Variants in C1QL3 observed in about 807,000 individuals in gnomAD.
C1QL3 encodes complement C1q like 3.
A neutral mutation model predicts 16.6 loss-of-function variants in C1QL3; 4 were observed. The ratio of observed to expected loss-of-function variants is 0.24; its 90% confidence interval spans 0.12 to 0.55. The LOEUF (loss-of-function observed/expected upper bound fraction) is 0.55, where lower values mean the gene tolerates loss of function less well. Among genes scored for constraint, C1QL3 ranks in the 20% least tolerant of loss-of-function variants. C1QL3 has a pLI of 0.94. For missense variants in C1QL3, 269 were observed against 365.6 expected (o/e 0.74, Z 2.16); for synonymous variants, 189 against 160.2 (o/e 1.18, Z -1.36).
At position 16,521,652 on chromosome 10, in the gene C1QL3, G is replaced by GCCA. The variant is rs1204853184; in HGVS notation, c.-590_-588dup. The GCCA allele has an allele frequency of 1.3e-5, 2 of 150,902 alleles. No homozygotes were observed. The highest frequency in any genetic ancestry group is 2.9e-5 in the Non-Finnish European group (2 of 67,842). The allele number at this position is 150,902 out of a possible 1,614,324, so 9.3% of individuals were successfully genotyped here. A position where few individuals can be genotyped will look rare whatever the true frequency, so the allele number is the denominator to read the frequency against. On this transcript the variant is annotated 5_prime_UTR_variant, in exon 1 of 2. Transcript: ENST00000298943. The stretch of plus-strand genomic sequence containing the variant: ...TGCCTCCTTTCTCTCTTCCTCCTTT[G>GCCA]CCACCACCACAACTCGAATAGACGC...
At chr10:16,518,218 C>A (rs1453311313) in intron 1 of C1QL3, among the ~76,000 whole-genome samples, 2 of 152,164 alleles carry the variant, frequency 1.3e-5, no homozygotes, top group African/African-American at 4.8e-5. Context: ...TTTGTAACTG[C>A]CTGCAGACTG....
In C1QL3 at chr10:16,514,164, C is replaced by T. The variant is rs1402269928; in HGVS notation, c.*364G>A. The T allele has an allele frequency of 2.5e-6, 1 of 398,798 alleles. No homozygotes were observed. The highest frequency in any genetic ancestry group is 4.4e-6 in the Non-Finnish European group (1 of 226,406). 24.7% of individuals were successfully genotyped at this position (398,798 alleles called of 1,614,324 possible). A position where few individuals can be genotyped will look rare whatever the true frequency, so the allele number is the denominator to read the frequency against. On this transcript the variant is annotated 3_prime_UTR_variant, in exon 2 of 2. Transcript: ENST00000298943. ...GTAAACTCACAAGAACCAAAGCTGA[C>T]ATATGGATAAAAGCAGCAAGATCAC...
Position 16,514,283 on chromosome 10 carries a change from G to C in C1QL3, c.*245C>G. 1 of 553,784 alleles carries C rather than the reference G, an allele frequency of 1.8e-6. No homozygotes were observed. The highest frequency in any genetic ancestry group is 3.2e-6 in the Non-Finnish European group (1 of 314,850). The allele number at this position is 553,784 out of a possible 1,614,324, so 34.3% of individuals were successfully genotyped here. ...GATCTATATAGGACTTCATTCACAT[G>C]GACACTAACGATAAGGAGTATTTGC... is the stretch of plus-strand genomic sequence containing the variant. On this transcript the variant is annotated 3_prime_UTR_variant, in exon 2 of 2. Coordinates refer to ENST00000298943, the MANE Select transcript of C1QL3 (RefSeq NM_001010908.2).
In C1QL3 at chr10:16,517,517, T is replaced by G. The variant is rs1175618426; in HGVS notation, c.589-2810A>C. On this transcript the variant is annotated intron_variant, in intron 1 of 1. Coordinates refer to ENST00000298943, the MANE Select transcript of C1QL3 (RefSeq NM_001010908.2). Reference sequence around the variant, plus strand: ...GATTGTATTCAAATAGCAATTTTTCTTCATGTTTTCTGCTAAAAGGATTAT... The same window carrying G: ...GATTGTATTCAAATAGCAATTTTTCGTCATGTTTTCTGCTAAAAGGATTAT... 4.6e-5 allele frequency among the ~76,000 whole-genome samples: 7 copies of G among 152,350 alleles called. No homozygotes were observed. In the East Asian group the frequency reaches 1.3e-3, roughly 29 times the overall value.
At position 16,520,031 on chromosome 10, in the gene C1QL3, A is replaced by G. The variant is rs1268000080; in HGVS notation, c.588+447T>C. ...TTGTTTCTCCCTCCGGCCTTTGTCT[A>G]CCACCCCCGAGTCGGTCACCCTGCC... On this transcript the variant is annotated intron_variant, in intron 1 of 1. Transcript: ENST00000298943. The surrounding 1 kb of genome is among the most constrained non-coding windows in gnomAD (Gnocchi z 8.3). Among the ~76,000 whole-genome samples the G allele has an allele frequency of 6.6e-6, 1 of 150,998 alleles. No individual in the cohort carries two copies. Among genetic ancestry groups the G allele is most frequent in the East Asian group, 2.0e-4 (1 of 5,094 alleles).
chr10:16,515,020 T>G (rs960987605), intron 1 of C1QL3, among the ~76,000 whole-genome samples: 1 of 152,108 alleles, frequency 6.6e-6, no homozygotes, highest in Non-Finnish European at 1.5e-5. Context: ...ACTCCTTCGA[T>G]CCCTATGCCC....
In C1QL3 at chr10:16,520,441, T is replaced by TCCCGCCC; in HGVS notation, c.588+36_588+37insGGGCGGG. 1 of 1,227,532 alleles carries TCCCGCCC rather than the reference T, an allele frequency of 8.1e-7. No homozygotes were observed. The highest frequency in any genetic ancestry group is 1.1e-6 in the Non-Finnish European group (1 of 881,044). The allele number at this position is 1,227,532 out of a possible 1,614,324, so 76.0% of individuals were successfully genotyped here. A position where few individuals can be genotyped will look rare whatever the true frequency, so the allele number is the denominator to read the frequency against. On this transcript the variant is annotated intron_variant, in intron 1 of 1. Transcript: ENST00000298943. This position sits in a 1 kb window ranked among gnomAD's most constrained non-coding sequence, Gnocchi z 8.3. ...CCCTCTCGCCCGCACCTTCCCGCGC[T>TCCCGCCC]CCCTCCCCGCCCTCCCCGCCGCCCG...
At position 16,513,767 on chromosome 10, in the gene C1QL3, A is replaced by G. The variant is rs1035870130; in HGVS notation, c.*761T>C. On this transcript the variant is annotated 3_prime_UTR_variant, in exon 2 of 2. Coordinates refer to ENST00000298943, the MANE Select transcript of C1QL3 (RefSeq NM_001010908.2). ...TGAATCTAAATGTATTCAGTTGACA[A>G]AATGGACACATAAGGGCTTTTTCTA... 1 of 152,622 alleles carries G rather than the reference A, an allele frequency of 6.6e-6. No individual in the cohort carries two copies. Among genetic ancestry groups the G allele is most frequent in the African/African-American group, 2.4e-5 (1 of 41,454 alleles). 9.5% of individuals were successfully genotyped at this position (152,622 alleles called of 1,614,324 possible).
chr10:16,520,215 G>A lies in C1QL3; in HGVS notation c.588+263C>T, dbSNP rs1456680047. On this transcript the variant is annotated intron_variant, in intron 1 of 1. Transcript: ENST00000298943. The surrounding 1 kb of genome is among the most constrained non-coding windows in gnomAD (Gnocchi z 8.3). Reference sequence around the variant, plus strand: ...CCCAGCTCCCGGCTTCCCGCCCCTCGAGGGTCGCGCTCGCAGGGGCGCGCA... The same window carrying A: ...CCCAGCTCCCGGCTTCCCGCCCCTCAAGGGTCGCGCTCGCAGGGGCGCGCA... Among the ~76,000 whole-genome samples, 1 of 152,008 alleles carries A rather than the reference G, an allele frequency of 6.6e-6. No individual in the cohort carries two copies. Among genetic ancestry groups the A allele is most frequent in the Non-Finnish European group, 1.5e-5 (1 of 67,972 alleles).
In C1QL3 at chr10:16,521,799, G is replaced by T. The variant is rs1294597302; in HGVS notation, c.-734C>A. On this transcript the variant is annotated 5_prime_UTR_variant, in exon 1 of 2. Transcript: ENST00000298943. ...CGGAGGAGCGAGCGAGCAGCGGCGA[G>T]CGCCTCACGGCCGGGAGCGGAGCGA... The T allele has an allele frequency of 1.3e-5, 2 of 152,798 alleles. No individual in the cohort carries two copies. Among genetic ancestry groups the T allele is most frequent in the African/African-American group, 4.8e-5 (2 of 41,436 alleles). 9.5% of individuals were successfully genotyped at this position (152,798 alleles called of 1,614,324 possible).
Position 16,520,442 on chromosome 10 carries a change from C to CCCG in C1QL3, c.588+35_588+36insCGG. Reference sequence around the variant, plus strand: ...CCTCTCGCCCGCACCTTCCCGCGCTCCCTCCCCGCCCTCCCCGCCGCCCGC... The same window carrying CCCG: ...CCTCTCGCCCGCACCTTCCCGCGCTCCCGCCTCCCCGCCCTCCCCGCCGCCCGC... On this transcript the variant is annotated intron_variant, in intron 1 of 1. Coordinates refer to ENST00000298943, the MANE Select transcript of C1QL3 (RefSeq NM_001010908.2). This position sits in a 1 kb window ranked among gnomAD's most constrained non-coding sequence, Gnocchi z 8.3. 3 of 1,117,660 alleles carry CCCG rather than the reference C, an allele frequency of 2.7e-6. No individual in the cohort carries two copies. The highest frequency in any genetic ancestry group is 3.8e-6 in the Non-Finnish European group (3 of 781,588). The allele number at this position is 1,117,660 out of a possible 1,614,324, so 69.2% of individuals were successfully genotyped here. A position where few individuals can be genotyped will look rare whatever the true frequency, so the allele number is the denominator to read the frequency against.
intron 1 of C1QL3, among the ~76,000 whole-genome samples, 196 bp from the exon 2 acceptor site, chr10:16,514,903 A>G (rs1836925068): frequency 6.6e-6 from 1 of 152,180 alleles, no homozygotes; most frequent in Non-Finnish European, 1.5e-5. Context: ...GAGGACAGAA[A>G]GGGACAAAAT....
intron 1 of C1QL3, among the ~76,000 whole-genome samples, chr10:16,515,322 T>C (rs1476927270): frequency 6.6e-6 from 1 of 152,176 alleles, no homozygotes; most frequent in Non-Finnish European, 1.5e-5. Flanking sequence ...CTTAGCTCAT[T>C]TATACATCTT....
At position 16,521,060 on chromosome 10, in the gene C1QL3, C is replaced by T. The variant is rs768207857; in HGVS notation, c.6G>A (p.Val2=). The change falls in exon 1 of 2, where the codon GTG becomes GTA. Residue 2 remains valine (V), a synonymous_variant. Coordinates refer to ENST00000298943, the MANE Select transcript of C1QL3 (RefSeq NM_001010908.2). ...CCGGGATGAGGATCACCAGCAGCAG[C>T]ACCATCACCACCCCCAGCGCCCCGG... M[V]LLLVILIPVL... The T allele has an allele frequency of 1.9e-6, 3 of 1,597,426 alleles. No homozygotes were observed. Among genetic ancestry groups the T allele is most frequent in the Non-Finnish European group, 2.5e-6 (3 of 1,177,408 alleles).
At position 16,514,140 on chromosome 10, in the gene C1QL3, T is replaced by C; in HGVS notation, c.*388A>G. 1 of 398,140 alleles carries C rather than the reference T, an allele frequency of 2.5e-6. No homozygotes were observed. The highest frequency in any genetic ancestry group is 4.4e-6 in the Non-Finnish European group (1 of 225,898). 24.7% of individuals were successfully genotyped at this position (398,140 alleles called of 1,614,324 possible). A position where few individuals can be genotyped will look rare whatever the true frequency, so the allele number is the denominator to read the frequency against. On this transcript the variant is annotated 3_prime_UTR_variant, in exon 2 of 2. Coordinates refer to ENST00000298943, the MANE Select transcript of C1QL3 (RefSeq NM_001010908.2). ...GACTCCAAGTATCATAATAAGCAGG[T>C]AAACTCACAAGAACCAAAGCTGACA... is the stretch of plus-strand genomic sequence containing the variant.
chr10:16,521,000 G>C lies in C1QL3; in HGVS notation c.66C>G (p.Tyr22Ter). ...LVSSAGTSAH[Y>*]EMLGTCRMVC... Reference sequence around the variant, plus strand: ...CCATGCGGCAGGTGCCCAGCATCTCGTAGTGCGCCGACGTGCCGGCCGAGC... The same window carrying C: ...CCATGCGGCAGGTGCCCAGCATCTCCTAGTGCGCCGACGTGCCGGCCGAGC... Residue 22 changes from tyrosine to a stop codon, truncating the protein, a stop_gained, in exon 1 of 2, where the codon TAC becomes TAG. Transcript: ENST00000298943. LOFTEE classifies it high-confidence loss of function. The surrounding 1 kb of genome is among the most constrained non-coding windows in gnomAD (Gnocchi z 8.3). 1 of 1,597,340 alleles carries C rather than the reference G, an allele frequency of 6.3e-7. No individual in the cohort carries two copies. The highest frequency in any genetic ancestry group is 1.1e-5 in the South Asian group (1 of 89,994).
Position 16,521,129 on chromosome 10 carries a change from G to T in C1QL3, c.-64C>A, listed in dbSNP as rs1241006742. 3 of 1,429,254 alleles carry T rather than the reference G, an allele frequency of 2.1e-6. No homozygotes were observed. Among genetic ancestry groups the T allele is most frequent in the Non-Finnish European group, 2.9e-6 (3 of 1,049,074 alleles). The allele number at this position is 1,429,254 out of a possible 1,614,324, so 88.5% of individuals were successfully genotyped here. On this transcript the variant is annotated 5_prime_UTR_variant, in exon 1 of 2. Transcript: ENST00000298943. ...TGCTGCCCACCAGCCGGCTCAGCGC[G>T]GGGCGATCCTCTTGTCTGCTTTTGG...
In C1QL3 at chr10:16,521,344, C is replaced by T. The variant is rs1242113822; in HGVS notation, c.-279G>A. The T allele has an allele frequency of 1.0e-5, 3 of 295,592 alleles. No individual in the cohort carries two copies. The highest frequency in any genetic ancestry group is 6.2e-5 in the East Asian group (1 of 16,232). 18.3% of individuals were successfully genotyped at this position (295,592 alleles called of 1,614,324 possible). A position where few individuals can be genotyped will look rare whatever the true frequency, so the allele number is the denominator to read the frequency against. On this transcript the variant is annotated 5_prime_UTR_variant, in exon 1 of 2. Transcript: ENST00000298943. ...GAAGTCCCGAGCCCGGGGTGGGGGC[C>T]GGGGGAGGGGTGCGCGGGGCGCCCT...
In C1QL3 at chr10:16,520,754, C is replaced by A. The variant is rs1348814730; in HGVS notation, c.312G>T (p.Pro104=). The A allele has an allele frequency of 7.2e-7, 1 of 1,394,232 alleles. No homozygotes were observed. Among genetic ancestry groups the A allele is most frequent in the Admixed American group, 2.9e-5 (1 of 34,910 alleles). 86.4% of individuals were successfully genotyped at this position (1,394,232 alleles called of 1,614,324 possible). A position where few individuals can be genotyped will look rare whatever the true frequency, so the allele number is the denominator to read the frequency against. ...CCGCGTTCAGGCCGGGCGCCCCGGG[C>A]GGGCCCGGCAGGCCTTGGCGGCCCG... The part of the protein sequence containing the change: ...GEPGRQGLPG[P]PGAPGLNAAG... Residue 104 remains proline (P), a synonymous_variant, in exon 1 of 2, where the codon CCG becomes CCT. Transcript: ENST00000298943. This position sits in a 1 kb window ranked among gnomAD's most constrained non-coding sequence, Gnocchi z 8.3.
Sources: gnomAD v4.1 joint callset for allele counts (sites outside exome capture counted in the v4.1 genomes callset) on GRCh38, gnomAD v4.1.1 for gene constraint, Gnocchi (gnomAD v3.1) non-coding constraint, MANE v1.5 for transcripts, NCBI Gene and HGNC (gene_info 2026-07-23, HGNC 2026-07-21) for gene names.